The following CDH1 variants were observed in gnomAD, a reference collection of about 807,000 sequenced individuals.
The protein encoded by CDH1 is cadherin-1.
Under a neutral mutation model 84.5 loss-of-function variants are expected in CDH1, and 35 were observed. That is an observed-to-expected ratio of 0.41 (90% CI 0.32 to 0.55). The LOEUF (loss-of-function observed/expected upper bound fraction) is 0.55, where lower values mean the gene tolerates loss of function less well. CDH1 is among the 20% of genes least tolerant of loss of function. The probability of loss-of-function intolerance (pLI) is 0.19; values close to 1 mark genes in which losing one functional copy is unlikely to be tolerated. For missense variants in CDH1, 994 were observed against 1,126.6 expected (o/e 0.88, Z 1.68); for synonymous variants, 417 against 439.0 (o/e 0.95, Z 0.63).
intron 3 of CDH1, among the ~76,000 whole-genome samples, chr16:68,805,380 T>G (rs1348391263): frequency 6.6e-6 from 1 of 152,138 alleles, no homozygotes; most frequent in Non-Finnish European, 1.5e-5. Context: ...ATGACTCCCT[T>G]TCATTTAACA....
At position 68,813,442 on chromosome 16, in the gene CDH1, T is replaced by C. The variant is rs786202027; in HGVS notation, c.1267T>C (p.Phe423Leu). ...YTILNDDGGQ[F>L]VVTTNPVNND... Reference sequence around the variant, plus strand: ...CATATTGAATGATGATGGTGGACAATTTGTCGTCACCACAAATCCAGTGAA... The same window carrying C: ...CATATTGAATGATGATGGTGGACAACTTGTCGTCACCACAAATCCAGTGAA... Residue 423 changes from phenylalanine (F) to leucine (L), a missense_variant, in exon 9 of 16, where the codon TTT (phenylalanine) becomes CTT (leucine). Phe to Leu is a conservative substitution (Grantham distance 22, BLOSUM62 0). Coordinates refer to ENST00000261769, the MANE Select transcript of CDH1 (RefSeq NM_004360.5). The C allele has an allele frequency of 3.1e-6, 5 of 1,614,116 alleles. No homozygotes were observed. Among genetic ancestry groups the C allele is most frequent in the Non-Finnish European group, 4.2e-6 (5 of 1,180,000 alleles).
At chr16:68,802,391 C>A (rs35463772) in intron 3 of CDH1, among the ~76,000 whole-genome samples, 208 of 152,274 alleles carry the variant, frequency 1.4e-3, no homozygotes, top group Non-Finnish European at 2.2e-3. Flanking sequence ...GCTAAAAATA[C>A]GCAAGGCATA....
chr16:68,820,455 A>G (rs1168629888), intron 11 of CDH1, among the ~76,000 whole-genome samples: 2 of 151,436 alleles, frequency 1.3e-5, no homozygotes, highest in African/African-American at 4.9e-5. Context: ...GGTTCAAGCA[A>G]TTGTCCTACC....
At chr16:68,818,404 C>T (rs967202655) in intron 10 of CDH1, among the ~76,000 whole-genome samples, 5 of 151,778 alleles carry the variant, frequency 3.3e-5, no homozygotes, top group East Asian at 1.9e-4. Context: ...ATTATGTAGG[C>T]GTGTGTCAAT....
Position 68,801,982 on chromosome 16 carries a change from G to A in CDH1, c.387+89G>A, listed in dbSNP as rs33983707. The A allele has an allele frequency of 4.3e-4, 478 of 1,121,224 alleles. 2 individuals carry two copies. The African/African-American group carries it at 6.4e-3, about 15-fold the overall frequency. 69.5% of individuals were successfully genotyped at this position (1,121,224 alleles called of 1,614,324 possible). On this transcript the variant is annotated intron_variant, in intron 3 of 15. Transcript: ENST00000261769. ...CAGCCTTGGTACCGTTGACATTTTG[G>A]GCTGGATGATTTTGTGTTGTAGGGG... is the stretch of plus-strand genomic sequence containing the variant.
intron 10 of CDH1, among the ~76,000 whole-genome samples, chr16:68,818,702 T>C (rs1024826782): frequency 8.0e-5 from 12 of 150,902 alleles, no homozygotes; most frequent in African/African-American, 2.7e-4. Flanking sequence ...ACAAAAAAAT[T>C]AGCCGGGCGT....
intron 2 of CDH1, among the ~76,000 whole-genome samples, chr16:68,759,758 A>T (rs1195496610): frequency 6.6e-6 from 1 of 152,106 alleles, no homozygotes; most frequent in African/African-American, 2.4e-5. Flanking sequence ...AAGTGCTAGG[A>T]TTATAGATTA....
chr16:68,815,447 T>C, intron 9 of CDH1, 68 bp from the exon 10 acceptor site: 1 of 1,600,626 alleles, frequency 6.2e-7, no homozygotes, highest in South Asian at 1.1e-5. Context: ...CAGTTAAGGA[T>C]TTAATTTTAT....
chr16:68,767,395 A>C (rs1321435892), intron 2 of CDH1, among the ~76,000 whole-genome samples: 1 of 151,704 alleles, frequency 6.6e-6, no homozygotes, highest in Non-Finnish European at 1.5e-5. Flanking sequence ...ACAGGGTTTC[A>C]CCATGTTGGC....
Position 68,812,369 on chromosome 16 carries a change from A to G in CDH1, c.1137+106A>G, listed in dbSNP as rs2152132882. The G allele has an allele frequency of 4.1e-6, 5 of 1,219,376 alleles. No homozygotes were observed. Among genetic ancestry groups the G allele is most frequent in the Non-Finnish European group, 6.0e-6 (5 of 828,908 alleles). The allele number at this position is 1,219,376 out of a possible 1,614,324, so 75.5% of individuals were successfully genotyped here. Reference sequence around the variant, plus strand: ...CGAAGTCTTTGAAAACTCTCTCCAGACTAGAGAATGTTAACTTTAAACTTA... The same window carrying G: ...CGAAGTCTTTGAAAACTCTCTCCAGGCTAGAGAATGTTAACTTTAAACTTA... On this transcript the variant is annotated intron_variant, in intron 8 of 15. Coordinates refer to ENST00000261769, the MANE Select transcript of CDH1 (RefSeq NM_004360.5).
chr16:68,808,417 C>A lies in CDH1; in HGVS notation c.388-7C>A. 6.2e-7 allele frequency: 1 copy of A among 1,614,134 alleles called. No homozygotes were observed. Among genetic ancestry groups the A allele is most frequent in the Non-Finnish European group, 8.5e-7 (1 of 1,179,998 alleles). ...CTTATCTTGTTCCTCATCTTCTTTC[C>A]TTTTAGGCCTCCGTTTCTGGAATCC... On this transcript the variant is annotated splice_polypyrimidine_tract_variant and splice_region_variant and intron_variant, in intron 3 of 15. Coordinates refer to ENST00000261769, the MANE Select transcript of CDH1 (RefSeq NM_004360.5).
intron 3 of CDH1, among the ~76,000 whole-genome samples, chr16:68,804,066 G>T (rs1431597896): frequency 7.0e-6 from 1 of 143,108 alleles, no homozygotes; most frequent in African/African-American, 2.6e-5. Context: ...GGAGAAAGGA[G>T]AAGCATAAAA....
chr16:68,753,469 C>T (rs1290377577), intron 2 of CDH1, among the ~76,000 whole-genome samples: 1 of 151,750 alleles, frequency 6.6e-6, no homozygotes, highest in African/African-American at 2.4e-5. Context: ...GCCTCAGCCT[C>T]CTGAGTAGCT....
intron 15 of CDH1, among the ~76,000 whole-genome samples, chr16:68,832,051 C>T (rs555769631): frequency 3.3e-5 from 5 of 152,198 alleles, no homozygotes; most frequent in Middle Eastern, 6.8e-3. Context: ...CCAAATACCA[C>T]GTGTTCTCAC....
rs1298179399 is a variant in CDH1 at position 68,835,188 on chromosome 16, A to G, written c.*1689A>G. 1.7e-5 allele frequency: 4 copies of G among 230,388 alleles called. No homozygotes were observed. The highest frequency in any genetic ancestry group is 8.9e-5 in the African/African-American group (4 of 45,188). 14.3% of individuals were successfully genotyped at this position (230,388 alleles called of 1,614,324 possible). The stretch of plus-strand genomic sequence containing the variant: ...CCCTAAAGGGGGTTAGTTGAGGGGT[A>G]GGGGGTAGTGAGGATCTTGATTTGG... On this transcript the variant is annotated 3_prime_UTR_variant, in exon 16 of 16. Transcript: ENST00000261769.
rs368021319 is a variant in CDH1, at chr16:68,774,710, G to T, written c.164-26960G>T. Among the ~76,000 whole-genome samples the T allele has an allele frequency of 2.0e-4, 31 of 152,228 alleles. 1 individual carries two copies. Among genetic ancestry groups the T allele is most frequent in the African/African-American group, 7.2e-4 (30 of 41,554 alleles). ...TGTTTAGTGCTCAAGCAGTGCTGGG[G>T]CCCTGGGCAGCAGCTGGAGGGTGGG... On this transcript the variant is annotated intron_variant, in intron 2 of 15. Coordinates refer to ENST00000261769, the MANE Select transcript of CDH1 (RefSeq NM_004360.5).
chr16:68,801,412 A>G (rs79581849), intron 2 of CDH1, among the ~76,000 whole-genome samples: 2 of 152,162 alleles, frequency 1.3e-5, no homozygotes, highest in South Asian at 4.1e-4. Context: ...CACTGTGCCC[A>G]GTCGAGAAGT....
At chr16:68,781,408 C>A (rs1365650758) in intron 2 of CDH1, among the ~76,000 whole-genome samples, 1 of 152,106 alleles carries the variant, frequency 6.6e-6, no homozygotes, top group East Asian at 1.9e-4. Flanking sequence ...GGTGTGATCA[C>A]GGCTAGTTGC....
At chr16:68,814,183 C>G (rs1319934553) in intron 9 of CDH1, 1 of 159,632 alleles carries the variant, frequency 6.3e-6, no homozygotes, top group Non-Finnish European at 1.4e-5. Context: ...TGCAGTGAGC[C>G]AGGATCGTGC....
Sources: gnomAD v4.1 joint callset for allele counts (sites outside exome capture counted in the v4.1 genomes callset) on GRCh38, gnomAD v4.1.1 for gene constraint, MANE v1.5 for transcripts, NCBI Gene and HGNC (gene_info 2026-07-23, HGNC 2026-07-21) for gene names.